Variants in RYR2 observed in about 807,000 individuals in gnomAD.
RYR2 encodes ryanodine receptor 2.
In RYR2, 227 loss-of-function variants were observed where a neutral mutation model predicts 601.1. The ratio of observed to expected loss-of-function variants is 0.38; its 90% CI spans 0.34 to 0.42. RYR2 has a LOEUF of 0.42. Among genes scored for constraint, RYR2 ranks in the 10% least tolerant of loss-of-function variants. The pLI, the probability that RYR2 is intolerant of heterozygous loss-of-function variation, is 1.00. For synonymous variants in RYR2, 2,223 were observed against 2,175.1 expected (o/e 1.02, Z -0.61); for missense variants, 4,646 against 6,156.5 (o/e 0.75, Z 8.21).
At position 237,706,947 on chromosome 1, in the gene RYR2, A is replaced by G; in HGVS notation, c.9581-2A>G. ...CATCCATTTTTATATGTACTTCTCC[A>G]GCTCTCAGTTTGCCAACTAATGTGG... On this transcript the variant is annotated splice_acceptor_variant, in intron 67 of 104. Transcript: ENST00000366574. LOFTEE classifies it high-confidence loss of function. The G allele has an allele frequency of 6.2e-7, 1 of 1,608,506 alleles. No individual in the cohort carries two copies. The highest frequency in any genetic ancestry group is 8.5e-7 in the Non-Finnish European group (1 of 1,175,158).
chr1:237,582,584 A>G lies in RYR2; in HGVS notation c.3599-7209A>G, dbSNP rs556947660. ...ATTTTGCAACCCTTGTCCCCCCACC[A>G]CAGTTGTCCCCAGTTTCTGTTTTTG... is the stretch of plus-strand genomic sequence containing the variant. On this transcript the variant is annotated intron_variant, in intron 29 of 104. Transcript: ENST00000366574. 7.2e-5 allele frequency among the ~76,000 whole-genome samples: 11 copies of G among 152,064 alleles called. No homozygotes were observed. The South Asian group carries it at 2.3e-3, about 32-fold the overall frequency.
chr1:237,506,571 A>C lies in RYR2; in HGVS notation c.2614-139A>C, dbSNP rs553487435. 15 of 572,600 alleles carry C rather than the reference A, an allele frequency of 2.6e-5. No homozygotes were observed. In the South Asian group the frequency reaches 3.6e-4, roughly 14 times the overall value. 35.5% of individuals were successfully genotyped at this position (572,600 alleles called of 1,614,324 possible). A position where few individuals can be genotyped will look rare whatever the true frequency, so the allele number is the denominator to read the frequency against. On this transcript the variant is annotated intron_variant, in intron 22 of 104. Coordinates refer to ENST00000366574, the MANE Select transcript of RYR2 (RefSeq NM_001035.3). ...AAAAAAAAAAAAAGAATGTCGTGAAATAGATGGCTTAGAACTTTGTTCTAT... is the reference window on the plus strand; with the variant it reads ...AAAAAAAAAAAAAGAATGTCGTGAACTAGATGGCTTAGAACTTTGTTCTAT...
chr1:237,361,636 C>T (rs1699788530), intron 4 of RYR2, among the ~76,000 whole-genome samples: 1 of 152,146 alleles, frequency 6.6e-6, no homozygotes, highest in Admixed American at 6.6e-5. Flanking sequence ...ATTTCAATAA[C>T]AGTTTCTTTT....
At chr1:237,767,769 C>G (rs1275661928) in intron 84 of RYR2, among the ~76,000 whole-genome samples, 3 of 152,134 alleles carry the variant, frequency 2.0e-5, no homozygotes. Context: ...AATAAAATAC[C>G]TGACTTTTCA....
intron 1 of RYR2, among the ~76,000 whole-genome samples, chr1:237,140,482 A>G (rs78801070): frequency 0.04 from 6,040 of 152,264 alleles, 354 homozygotes; most frequent in African/African-American, 0.13. Context: ...TGATGCCCCA[A>G]TTGGGGGTGT....
intron 1 of RYR2, among the ~76,000 whole-genome samples, chr1:237,193,165 T>TGCAAAAAAAAAAAAAAA (rs1402978522): frequency 1.8e-3 from 5 of 2,746 alleles, no homozygotes; most frequent in African/African-American, 3.1e-3. Flanking sequence ...CTGCTAAAAG[T>TGCAAAAAAAAAAAAAAA]ACAAAAAAAA....
chr1:237,058,121 G>A (rs941412838), intron 1 of RYR2, among the ~76,000 whole-genome samples: 4 of 152,150 alleles, frequency 2.6e-5, no homozygotes, highest in African/African-American at 9.7e-5. Context: ...TTTTCTCATA[G>A]CTGTTAACTC....
intron 15 of RYR2, among the ~76,000 whole-genome samples, 162 bp from the exon 16 acceptor site, chr1:237,456,438 G>T (rs1451420231): frequency 6.6e-6 from 1 of 152,196 alleles, no homozygotes; most frequent in Non-Finnish European, 1.5e-5. Flanking sequence ...ACATGCAAAT[G>T]TGTGTCTTCC....
intron 12 of RYR2, among the ~76,000 whole-genome samples, chr1:237,440,774 TG>T (rs1212770110): frequency 1.3e-5 from 2 of 152,208 alleles, no homozygotes; most frequent in African/African-American, 2.4e-5. Flanking sequence ...CAAAAAATTT[TG>T]AAGTGTTTAT....
intron 1 of RYR2, among the ~76,000 whole-genome samples, chr1:237,144,653 A>AT (rs1351742662): frequency 6.6e-6 from 1 of 152,170 alleles, no homozygotes; most frequent in Non-Finnish European, 1.5e-5. Flanking sequence ...AACATCTCTT[A>AT]TTTTTTATCT....
intron 1 of RYR2, among the ~76,000 whole-genome samples, chr1:237,057,634 AAG>A (rs1662337253): frequency 6.6e-6 from 1 of 152,232 alleles, no homozygotes; most frequent in South Asian, 2.1e-4. Flanking sequence ...GCTGAAGAGG[AAG>A]AGAGGAGGTG....
chr1:237,495,818 C>T (rs578035899), intron 19 of RYR2, among the ~76,000 whole-genome samples: 14 of 152,276 alleles, frequency 9.2e-5, no homozygotes, highest in South Asian at 2.1e-4. Flanking sequence ...TCTCCATGTC[C>T]GGAATTCCCA....
At chr1:237,696,969 T>C (rs1687506029) in intron 63 of RYR2, among the ~76,000 whole-genome samples, 1 of 152,052 alleles carries the variant, frequency 6.6e-6, no homozygotes, top group South Asian at 2.1e-4. Flanking sequence ...ATATAAATCG[T>C]ATCATATCCC....
At chr1:237,470,547 T>C (rs944676461) in intron 17 of RYR2, among the ~76,000 whole-genome samples, 4 of 152,036 alleles carry the variant, frequency 2.6e-5, no homozygotes, top group African/African-American at 9.7e-5. Flanking sequence ...GAAATGGAGA[T>C]TGTTGTAATA....
At chr1:237,103,664 A>G (rs946476297) in intron 1 of RYR2, among the ~76,000 whole-genome samples, 1 of 152,124 alleles carries the variant, frequency 6.6e-6, no homozygotes, top group Non-Finnish European at 1.5e-5. Flanking sequence ...CACCTGCCAG[A>G]TTCAAGTGAT....
intron 58 of RYR2, among the ~76,000 whole-genome samples, chr1:237,670,316 G>A (rs1185570535): frequency 1.5e-5 from 2 of 134,178 alleles, no homozygotes; most frequent in East Asian, 4.4e-4. Context: ...GACTGGAGAG[G>A]GAGAGGGAGA....
chr1:237,342,634 T>C (rs1285704049), intron 3 of RYR2, among the ~76,000 whole-genome samples: 1 of 152,180 alleles, frequency 6.6e-6, no homozygotes, highest in Non-Finnish European at 1.5e-5. Context: ...TAGTACAAAC[T>C]GATTACTTTC....
At chr1:237,349,307 T>C (rs1698559178) in intron 3 of RYR2, among the ~76,000 whole-genome samples, 1 of 152,198 alleles carries the variant, frequency 6.6e-6, no homozygotes, top group Non-Finnish European at 1.5e-5. Context: ...TCTTTAATGT[T>C]GTGAGGAAAA....
intron 29 of RYR2, among the ~76,000 whole-genome samples, chr1:237,579,150 G>A (rs1031820219): frequency 5.3e-5 from 8 of 151,660 alleles, no homozygotes; most frequent in Admixed American, 1.3e-4. Flanking sequence ...TAAAAAATCA[G>A]AACTTGAGTC....
Sources: allele counts gnomAD v4.1 joint callset (sites outside exome capture counted in the v4.1 genomes callset), GRCh38; gene constraint gnomAD v4.1.1; transcripts MANE v1.5; gene names NCBI Gene and HGNC (gene_info 2026-07-23, HGNC 2026-07-21).